The following MAF variants were observed in gnomAD, a reference collection of about 807,000 sequenced individuals.
The protein encoded by MAF is MAF bZIP transcription factor.
MAF carries 10 observed loss-of-function variants against 22.0 expected under a neutral mutation model. That is an observed-to-expected ratio of 0.45 (90% CI 0.28 to 0.77). The LOEUF (loss-of-function observed/expected upper bound fraction) is 0.77. MAF is among the 30% of genes least tolerant of loss of function. The pLI is 0.12. For missense variants in MAF, 544 were observed against 548.4 expected (o/e 0.99, Z 0.08); for synonymous variants, 337 against 255.8 (o/e 1.32, Z -3.03).
the MAF span, among the ~76,000 whole-genome samples, chr16:79,512,471 T>G: frequency 1.3e-5 from 2 of 152,128 alleles, no homozygotes; most frequent in South Asian, 4.2e-4. Context: ...TGTGATCAGC[T>G]TGGGTTTCAG....
chr16:79,240,487 GAAAAAAAAAAA>G, the MAF span, among the ~76,000 whole-genome samples: 7 of 60,730 alleles, frequency 1.2e-4, no homozygotes, highest in South Asian at 2.0e-3. Context: ...AGCATCTCTG[GAAAAAAAAAAA>G]AAAAAAAAAA....
chr16:79,212,990 G>A, the MAF span: 2 of 151,634 alleles, frequency 1.3e-5, no homozygotes, highest in Non-Finnish European at 2.9e-5. Flanking sequence ...AGTTATTTTA[G>A]TCCTCAATGG....
At chr16:79,217,595 G>A in the MAF span, among the ~76,000 whole-genome samples, 7 of 152,240 alleles carry the variant, frequency 4.6e-5, no homozygotes, top group Admixed American at 3.3e-4. Flanking sequence ...TCAACATCCC[G>A]AGTTCTTCGC....
At chr16:79,248,858 A>G in the MAF span, among the ~76,000 whole-genome samples, 1 of 152,314 alleles carries the variant, frequency 6.6e-6, no homozygotes, top group South Asian at 2.1e-4. Context: ...TGGTTAGTCA[A>G]TTTCATAAAA....
the MAF span, among the ~76,000 whole-genome samples, chr16:79,438,974 C>A: frequency 6.6e-6 from 1 of 152,108 alleles, no homozygotes; most frequent in East Asian, 1.9e-4. Context: ...ACAATTACAT[C>A]GAAAGAGCCA....
chr16:79,555,892 G>T, the MAF span, among the ~76,000 whole-genome samples: 7 of 152,126 alleles, frequency 4.6e-5, no homozygotes, highest in South Asian at 2.1e-4. Flanking sequence ...CCTGTTAATG[G>T]TATTTCTACG....
At chr16:79,472,215 A>G in the MAF span, among the ~76,000 whole-genome samples, 2 of 152,216 alleles carry the variant, frequency 1.3e-5, no homozygotes, top group Non-Finnish European at 2.9e-5. Context: ...TAAATATATT[A>G]CAGGGCTAAA....
At chr16:79,390,941 C>A in the MAF span, among the ~76,000 whole-genome samples, 1 of 152,158 alleles carries the variant, frequency 6.6e-6, no homozygotes, top group African/African-American at 2.4e-5. Flanking sequence ...GATTTCTGGG[C>A]TACTGTCTCT....
the MAF span, among the ~76,000 whole-genome samples, chr16:79,398,760 CCCTCTGTCTGGCATTCTCT>C: frequency 6.6e-6 from 1 of 152,112 alleles, no homozygotes; most frequent in African/African-American, 2.4e-5. Context: ...TCAGCTAGGC[CCCTCTGTCTGGCATTCTCT>C]TACTCATTTT....
the MAF span, among the ~76,000 whole-genome samples, chr16:79,254,255 C>T: frequency 6.6e-6 from 1 of 152,146 alleles, no homozygotes; most frequent in East Asian, 1.9e-4. Flanking sequence ...CTCTCCCTGC[C>T]TCTTTCTCTC....
chr16:79,497,392 G>A, the MAF span, among the ~76,000 whole-genome samples: 4 of 152,172 alleles, frequency 2.6e-5, no homozygotes, highest in African/African-American at 9.6e-5. Flanking sequence ...CCACCCGCCT[G>A]CTTCCTCTGC....
At chr16:79,376,720 T>A in the MAF span, among the ~76,000 whole-genome samples, 1 of 152,258 alleles carries the variant, frequency 6.6e-6, no homozygotes, top group South Asian at 2.1e-4. Flanking sequence ...ATGTTCCCCT[T>A]CCTGTGTCCA....
chr16:79,503,627 G>A, the MAF span, among the ~76,000 whole-genome samples: 1 of 152,142 alleles, frequency 6.6e-6, no homozygotes, highest in African/African-American at 2.4e-5. Context: ...GTGAACTCCT[G>A]TTCATCTTTG....
chr16:79,508,102 A>G, the MAF span, among the ~76,000 whole-genome samples: 2 of 152,170 alleles, frequency 1.3e-5, no homozygotes, highest in African/African-American at 2.4e-5. Context: ...GGAAGGAAGA[A>G]GGCGCAGCAT....
At chr16:79,587,202 T>A (rs1274596795) in intron 1 of MAF, among the ~76,000 whole-genome samples, 2 of 152,228 alleles carry the variant, frequency 1.3e-5, no homozygotes. Context: ...TTTATTCACA[T>A]TTTGTATAGA....
the MAF span, among the ~76,000 whole-genome samples, chr16:79,270,603 GTGA>G: frequency 6.6e-6 from 1 of 152,180 alleles, no homozygotes; most frequent in Non-Finnish European, 1.5e-5. Flanking sequence ...CTTGTTTCCA[GTGA>G]TAATCCCAAA....
At chr16:79,297,971 G>A in the MAF span, among the ~76,000 whole-genome samples, 11 of 152,244 alleles carry the variant, frequency 7.2e-5, no homozygotes, top group Admixed American at 2.0e-4. Flanking sequence ...CTTCACAAGT[G>A]ATCTAATGTG....
At chr16:79,460,141 A>G in the MAF span, among the ~76,000 whole-genome samples, 1 of 151,732 alleles carries the variant, frequency 6.6e-6, no homozygotes, top group Admixed American at 6.6e-5. Flanking sequence ...AGTGTTGCAA[A>G]TATTTTCTGT....
the MAF span, among the ~76,000 whole-genome samples, chr16:79,275,383 G>A: frequency 6.6e-6 from 1 of 152,150 alleles, no homozygotes; most frequent in African/African-American, 2.4e-5. Flanking sequence ...TTATTGAGAA[G>A]TTGCATGTTT....
Sources: gnomAD v4.1 joint callset for allele counts (sites outside exome capture counted in the v4.1 genomes callset) on GRCh38, gnomAD v4.1.1 for gene constraint, MANE v1.5 for transcripts, NCBI Gene and HGNC (gene_info 2026-07-23, HGNC 2026-07-21) for gene names.